Variants in RYK observed in about 807,000 individuals in gnomAD.
The protein encoded by RYK is receptor like tyrosine kinase.
In RYK, 21 loss-of-function variants were observed where a neutral mutation model predicts 70.2. The ratio of observed to expected loss-of-function variants is 0.30; its 90% CI spans 0.21 to 0.43. The LOEUF is 0.43. RYK is among the 20% of genes least tolerant of loss of function. The pLI is 1.00. For missense variants in RYK, 604 were observed against 753.3 expected (o/e 0.80, Z 2.32); for synonymous variants, 267 against 278.0 (o/e 0.96, Z 0.39).
chr3:134,185,041 G>A (rs1560007403), intron 9 of RYK, among the ~76,000 whole-genome samples: 1 of 149,968 alleles, frequency 6.7e-6, no homozygotes, highest in East Asian at 2.0e-4. Flanking sequence ...TGGCTGAGGT[G>A]GGGGATTGCT....
chr3:134,249,917 G>GTTTTTTTTGTT (rs2015564485), intron 1 of RYK, among the ~76,000 whole-genome samples: 1 of 93,366 alleles, frequency 1.1e-5, no homozygotes, highest in African/African-American at 5.3e-5. Flanking sequence ...TTTCTCTCTC[G>GTTTTTTTTGTT]TTTTTTTTTT....
At chr3:134,214,701 A>G (rs1231455101) in intron 2 of RYK, among the ~76,000 whole-genome samples, 1 of 152,114 alleles carries the variant, frequency 6.6e-6, no homozygotes, top group East Asian at 1.9e-4. Flanking sequence ...CTACTCAGCA[A>G]TCCCTTCCTC....
At chr3:134,184,961 C>CAAAAA (rs34543975) in intron 9 of RYK, among the ~76,000 whole-genome samples, 1 of 80,130 alleles carries the variant, frequency 1.2e-5, no homozygotes, top group East Asian at 3.5e-4. Context: ...CCCATCTCTA[C>CAAAAA]AAAAAAAAAA....
At chr3:134,187,269 A>G (rs754410866) in intron 9 of RYK, among the ~76,000 whole-genome samples, 1 of 152,226 alleles carries the variant, frequency 6.6e-6, no homozygotes, top group Non-Finnish European at 1.5e-5. Context: ...TTTACAACCA[A>G]TAAACATAAA....
intron 1 of RYK, among the ~76,000 whole-genome samples, chr3:134,228,906 C>CACTA (rs374743175): frequency 9.2e-5 from 14 of 152,276 alleles, no homozygotes; most frequent in African/African-American, 3.1e-4. Context: ...GTGATGAATA[C>CACTA]ACTACCCTGA....
chr3:134,176,682 G>A (rs2013108970), intron 11 of RYK, among the ~76,000 whole-genome samples: 1 of 151,804 alleles, frequency 6.6e-6, no homozygotes, highest in Non-Finnish European at 1.5e-5. Flanking sequence ...GGAGGTTGAG[G>A]CTGCAGTGAG....
chr3:134,238,041 TAAC>T (rs1235514108), intron 1 of RYK, among the ~76,000 whole-genome samples: 9 of 152,198 alleles, frequency 5.9e-5, no homozygotes, highest in Admixed American at 1.3e-4. Flanking sequence ...TTATGGAAAG[TAAC>T]AAGCTGAAAT....
intron 13 of RYK, among the ~76,000 whole-genome samples, chr3:134,163,895 A>G (rs1049451545): frequency 1.3e-5 from 2 of 152,238 alleles, no homozygotes; most frequent in Non-Finnish European, 2.9e-5. Context: ...TAAGTGTTTT[A>G]TAAGAAGGAG....
intron 11 of RYK, among the ~76,000 whole-genome samples, 193 bp from the exon 12 acceptor site, chr3:134,176,232 A>C (rs957802177): frequency 1.3e-5 from 2 of 152,210 alleles, no homozygotes; most frequent in Non-Finnish European, 2.9e-5. Context: ...TGTAGTCCTT[A>C]TTATTCTGTA....
intron 13 of RYK, 142 bp downstream of exon 13, chr3:134,175,467 T>C: frequency 1.1e-6 from 1 of 884,302 alleles, no homozygotes; most frequent in Non-Finnish European, 1.8e-6. Context: ...GACTGGCAGC[T>C]AATTACACTT....
At chr3:134,191,789 AG>A (rs2107668559) in intron 8 of RYK, 59 bp downstream of exon 8, 1 of 1,375,238 alleles carries the variant, frequency 7.3e-7, no homozygotes, top group Non-Finnish European at 9.8e-7. Context: ...TTTTGAAAAA[AG>A]TGTCTATAGT....
At chr3:134,247,070 AC>A (rs2015485693) in intron 1 of RYK, among the ~76,000 whole-genome samples, 2 of 152,210 alleles carry the variant, frequency 1.3e-5, no homozygotes, top group South Asian at 4.1e-4. Flanking sequence ...ACGAATCAAA[AC>A]GCAATTTTGA....
rs146529406 is a variant in RYK, at chr3:134,187,352, A to G, written c.1102+1485T>C. Among the ~76,000 whole-genome samples, 261 of 152,320 alleles carry G rather than the reference A, an allele frequency of 1.7e-3. 1 individual carries two copies. The highest frequency in any genetic ancestry group is 5.9e-3 in the African/African-American group (246 of 41,566). ...CTTATAAATTAACTTCATAAACTGT[A>G]TAAAATTTTATCACTTTCTACTCAT... On this transcript the variant is annotated intron_variant, in intron 9 of 14. Transcript: ENST00000623711.
intron 1 of RYK, among the ~76,000 whole-genome samples, chr3:134,231,561 T>A (rs1263450092): frequency 1.3e-5 from 2 of 152,206 alleles, no homozygotes; most frequent in African/African-American, 4.8e-5. Context: ...CTTGTGCTAG[T>A]AGCTTAGCAC....
At chr3:134,241,887 G>A (rs750356258) in intron 1 of RYK, among the ~76,000 whole-genome samples, 7 of 152,026 alleles carry the variant, frequency 4.6e-5, no homozygotes, top group Non-Finnish European at 8.8e-5. Flanking sequence ...GTTGATAAAA[G>A]AGAACATATG....
chr3:134,198,087 G>C (rs144902792), intron 6 of RYK, among the ~76,000 whole-genome samples: 294 of 152,232 alleles, frequency 1.9e-3, no homozygotes, highest in Middle Eastern at 6.8e-3. Context: ...ATCCATTAAA[G>C]TCAACACCTA....
At position 134,230,046 on chromosome 3, in the gene RYK, A is replaced by C. The variant is rs530166180; in HGVS notation, c.233-7507T>G. 2.6e-5 allele frequency among the ~76,000 whole-genome samples: 4 copies of C among 152,320 alleles called. No individual in the cohort carries two copies. The South Asian group carries it at 8.3e-4, about 32-fold the overall frequency. On this transcript the variant is annotated intron_variant, in intron 1 of 14. Coordinates refer to ENST00000623711, the MANE Select transcript of RYK (RefSeq NM_002958.4). The stretch of plus-strand genomic sequence containing the variant: ...CCATTTCTGAGTAATTATCCAAAAG[A>C]AAAGAAAACATATGTCCACAAAAAG...
chr3:134,169,185 G>C (rs1370973803), intron 13 of RYK, among the ~76,000 whole-genome samples: 1 of 152,026 alleles, frequency 6.6e-6, no homozygotes, highest in Non-Finnish European at 1.5e-5. Context: ...TCCTTGACTT[G>C]TTTTTCTTAA....
At chr3:134,231,958 A>G (rs1576534007) in intron 1 of RYK, among the ~76,000 whole-genome samples, 1 of 152,090 alleles carries the variant, frequency 6.6e-6, no homozygotes, top group African/African-American at 2.4e-5. Flanking sequence ...ACCCACTTTC[A>G]ATCTGCCCTT....
Sources: allele counts gnomAD v4.1 joint callset (sites outside exome capture counted in the v4.1 genomes callset), GRCh38; gene constraint gnomAD v4.1.1; transcripts MANE v1.5; gene names NCBI Gene and HGNC (gene_info 2026-07-23, HGNC 2026-07-21).